DGKH: variants seen among roughly 807,000 people sequenced by gnomAD.
The protein encoded by DGKH is diacylglycerol kinase eta.
A neutral mutation model predicts 159.3 loss-of-function variants in DGKH; 90 were observed. That is an observed-to-expected ratio of 0.57 (90% CI 0.48 to 0.67). DGKH has a LOEUF of 0.67. DGKH is among the 30% of genes least tolerant of loss of function. The pLI, the probability that DGKH is intolerant of heterozygous loss-of-function variation, is 0.00. For missense variants in DGKH, 1,181 were observed against 1,506.1 expected (o/e 0.78, Z 3.57); for synonymous variants, 536 against 553.8 (o/e 0.97, Z 0.45).
At chr13:42,141,146 T>G (rs986366467) in intron 3 of DGKH, among the ~76,000 whole-genome samples, 2 of 148,220 alleles carry the variant, frequency 1.3e-5, no homozygotes, top group Admixed American at 1.4e-4. Context: ...AGTGAGAACA[T>G]GCAGTGTTTG....
chr13:42,059,905 C>CTTTTTTTT (rs11357293), intron 1 of DGKH, among the ~76,000 whole-genome samples: 5 of 139,808 alleles, frequency 3.6e-5, no homozygotes, highest in African/African-American at 5.3e-5. Flanking sequence ...TCTCTTTTTT[C>CTTTTTTTT]TTTTTTTTTT....
intron 17 of DGKH, among the ~76,000 whole-genome samples, chr13:42,195,251 A>G (rs1335050648): frequency 6.6e-6 from 1 of 152,186 alleles, no homozygotes; most frequent in Non-Finnish European, 1.5e-5. Context: ...CTGTAATCGC[A>G]GCACTTTGGG....
At chr13:42,063,426 A>C (rs1340812532) in intron 1 of DGKH, among the ~76,000 whole-genome samples, 1 of 152,204 alleles carries the variant, frequency 6.6e-6, no homozygotes, top group Non-Finnish European at 1.5e-5. Flanking sequence ...ACAGTTTAGC[A>C]CAGTGGTTAG....
chr13:42,160,079 A>G lies in DGKH; in HGVS notation c.798A>G (p.Lys266=), dbSNP rs1488954464. 1 of 1,614,224 alleles carries G rather than the reference A, an allele frequency of 6.2e-7. No homozygotes were observed. The highest frequency in any genetic ancestry group is 8.5e-7 in the Non-Finnish European group (1 of 1,180,040). Residue 266 remains lysine (K), a synonymous_variant, in exon 7 of 30, where the codon AAA becomes AAG. Coordinates refer to ENST00000337343, the MANE Select transcript of DGKH (RefSeq NM_178009.5). ...PVSAKCAVCD[K]TCGSVLRLQD... ...GTGCCAAGTGTGCTGTCTGCGACAA[A>G]ACATGTGGCAGTGTTCTCCGTCTAC... is the stretch of plus-strand genomic sequence containing the variant.
At chr13:42,164,195 C>T (rs1289600796) in intron 7 of DGKH, among the ~76,000 whole-genome samples, 1 of 152,150 alleles carries the variant, frequency 6.6e-6, no homozygotes, top group Non-Finnish European at 1.5e-5. Flanking sequence ...ATAATTTTTC[C>T]TACTGTCATC....
At chr13:42,208,069 C>T (rs1957551518) in intron 21 of DGKH, among the ~76,000 whole-genome samples, 4 of 152,046 alleles carry the variant, frequency 2.6e-5, no homozygotes, top group South Asian at 2.1e-4. Context: ...TTAATGTCCA[C>T]GTTGTTTATT....
intron 3 of DGKH, among the ~76,000 whole-genome samples, chr13:42,133,618 C>T (rs1395872680): frequency 1.3e-5 from 2 of 152,164 alleles, no homozygotes; most frequent in East Asian, 1.9e-4. Context: ...ATCGCTTGAG[C>T]TCTGGAGTTT....
intron 13 of DGKH, among the ~76,000 whole-genome samples, chr13:42,186,395 A>G (rs1410573319): frequency 6.6e-6 from 1 of 152,184 alleles, no homozygotes; most frequent in Non-Finnish European, 1.5e-5. Flanking sequence ...CTTTTAGCTT[A>G]TTTCTATCGC....
At chr13:42,091,722 C>G (rs537233743) in intron 1 of DGKH, among the ~76,000 whole-genome samples, 9 of 152,168 alleles carry the variant, frequency 5.9e-5, no homozygotes, top group African/African-American at 1.9e-4. Flanking sequence ...TCAAACAACT[C>G]AATAACAACA....
intron 1 of DGKH, among the ~76,000 whole-genome samples, chr13:42,085,391 C>T (rs1026728524): frequency 6.6e-6 from 1 of 152,118 alleles, no homozygotes. Context: ...TGCCATGGTT[C>T]CATGGAATAC....
intron 7 of DGKH, 131 bp downstream of exon 7, chr13:42,160,267 A>G (rs1454481533): frequency 1.6e-6 from 2 of 1,251,262 alleles, no homozygotes; most frequent in African/African-American, 2.9e-5. Context: ...TCTCATGATG[A>G]CATTCTTCTT....
At chr13:42,196,301 A>G (rs988399779) in intron 17 of DGKH, among the ~76,000 whole-genome samples, 3 of 152,220 alleles carry the variant, frequency 2.0e-5, no homozygotes, top group Non-Finnish European at 4.4e-5. Flanking sequence ...ACTACTAGGT[A>G]TACACCCAAG....
In DGKH at chr13:42,048,984, G is replaced by C. The variant is rs968423373; in HGVS notation, c.192+19G>C. The C allele has an allele frequency of 1.0e-5, 13 of 1,270,964 alleles. No individual in the cohort carries two copies. In the African/African-American group the frequency reaches 1.7e-4, roughly 16 times the overall value. The allele number at this position is 1,270,964 out of a possible 1,614,324, so 78.7% of individuals were successfully genotyped here. A position where few individuals can be genotyped will look rare whatever the true frequency, so the allele number is the denominator to read the frequency against. ...GACCAAGGTAGGGCGGAGGAGGCGGGCCTGAGGGCCGCGTGGAAAGCGGGA... is the reference window on the plus strand; with the variant it reads ...GACCAAGGTAGGGCGGAGGAGGCGGCCCTGAGGGCCGCGTGGAAAGCGGGA... On this transcript the variant is annotated intron_variant, in intron 1 of 29. Transcript: ENST00000337343. The surrounding 1 kb of genome is among the most constrained non-coding windows in gnomAD (Gnocchi z 6.7).
chr13:42,041,702 C>T (rs1455713692), intron 1 of DGKH, among the ~76,000 whole-genome samples: 9 of 152,162 alleles, frequency 5.9e-5, no homozygotes, highest in Admixed American at 5.9e-4. Flanking sequence ...CCCCCTCTCA[C>T]TCAGAGCTCT....
intron 25 of DGKH, 93 bp downstream of exon 25, chr13:42,214,705 GA>G: frequency 7.4e-6 from 9 of 1,214,164 alleles, no homozygotes; most frequent in Non-Finnish European, 1.0e-5. Context: ...CCCTGTGACA[GA>G]AAGTTATGTT....
chr13:42,068,740 A>G (rs908732188), intron 1 of DGKH, among the ~76,000 whole-genome samples: 3 of 152,298 alleles, frequency 2.0e-5, no homozygotes, highest in Non-Finnish European at 4.4e-5. Context: ...TCATTTTGCA[A>G]ATGACATGTC....
At chr13:42,172,059 A>G (rs1594139822) in intron 11 of DGKH, among the ~76,000 whole-genome samples, 3 of 151,798 alleles carry the variant, frequency 2.0e-5, no homozygotes, top group Admixed American at 2.0e-4. Flanking sequence ...TGATCTCCTG[A>G]CCTCGTGATC....
At chr13:42,249,075 A>T (rs985608476) in intron 29 of DGKH, among the ~76,000 whole-genome samples, 3 of 152,176 alleles carry the variant, frequency 2.0e-5, no homozygotes, top group Admixed American at 6.6e-5. Flanking sequence ...ATTTTGTTTT[A>T]AAAAAATTAC....
At chr13:42,160,321 C>G (rs1383664702) in intron 7 of DGKH, among the ~76,000 whole-genome samples, 185 bp downstream of exon 7, 1 of 152,178 alleles carries the variant, frequency 6.6e-6, no homozygotes, top group Non-Finnish European at 1.5e-5. Context: ...GTTTCAAATG[C>G]CCTGTAAAAC....
Sources: gnomAD v4.1 joint callset for allele counts (sites outside exome capture counted in the v4.1 genomes callset) on GRCh38, gnomAD v4.1.1 for gene constraint, Gnocchi (gnomAD v3.1) non-coding constraint, MANE v1.5 for transcripts, NCBI Gene and HGNC (gene_info 2026-07-23, HGNC 2026-07-21) for gene names.